Variants in CD27 observed in about 807,000 individuals in gnomAD.
CD27 encodes CD27 molecule.
Under a neutral mutation model 25.9 loss-of-function variants are expected in CD27, and 16 were observed. The ratio of observed to expected loss-of-function variants is 0.62; its 90% CI spans 0.42 to 0.94. CD27 has a LOEUF of 0.94. Among genes scored for constraint, CD27 ranks in the 40% least tolerant of loss-of-function variants. The pLI is 0.00. For missense variants in CD27, 300 were observed against 333.2 expected, an observed-to-expected ratio of 0.90 and a Z score of 0.78; for synonymous variants, 142 against 124.3, an observed-to-expected ratio of 1.14 and a Z score of -0.95.
chr12:6,447,825 T>A (rs1358872172), intron 2 of CD27: 1 of 147,378 alleles, frequency 6.8e-6, no homozygotes. Flanking sequence ...GATGTTCCCC[T>A]TCCTGTGTCC....
rs1274229933 is a variant in CD27, at chr12:6,450,836, G to A, written c.539-59G>A. 4.3e-5 allele frequency: 69 copies of A among 1,609,072 alleles called. No homozygotes were observed. In the East Asian group the frequency reaches 1.5e-3, roughly 36 times the overall value. ...AGAGGCAAGGTGACAGGAGGGCTGG[G>A]CTGAGGGAGCCAAGGGCTAGACCCT... On this transcript the variant is annotated intron_variant, in intron 4 of 5. Transcript: ENST00000266557. The surrounding 1 kb of genome is among the most constrained non-coding windows in gnomAD (Gnocchi z 4.1).
At chr12:6,448,711 G>A (rs1261344784) in intron 2 of CD27, 2 of 152,208 alleles carry the variant, frequency 1.3e-5, no homozygotes, top group Non-Finnish European at 2.9e-5. Flanking sequence ...GTTGCACTGA[G>A]CCGAGATCGT....
At chr12:6,446,776 T>TCA (rs35670100) in intron 2 of CD27, among the ~76,000 whole-genome samples, 31,888 of 148,272 alleles carry the variant, frequency 0.22, 3,537 homozygotes, top group African/African-American at 0.28. Flanking sequence ...AAACCCTTTT[T>TCA]CACACACACA....
At chr12:6,444,660 T>C (rs199839177), upstream of CD27, among the ~76,000 whole-genome samples, 1 of 27,710 alleles carries the variant, frequency 3.6e-5, no homozygotes, top group Non-Finnish European at 7.0e-5. Flanking sequence ...GACGGGGGGG[T>C]GGGTGGGGGG....
chr12:6,445,002 C>T lies in CD27; in HGVS notation c.-94C>T, dbSNP rs1387649702. 2.2e-6 allele frequency: 3 copies of T among 1,383,128 alleles called. No individual in the cohort carries two copies. In the African/African-American group the frequency reaches 4.4e-5, roughly 20 times the overall value. 85.7% of individuals were successfully genotyped at this position (1,383,128 alleles called of 1,614,324 possible). ...TGAAGCAGCCACTGCCCAGGGGGTGCAAAGAAGAGACAGCAGCGCCCAGCT... is the reference window on the plus strand; with the variant it reads ...TGAAGCAGCCACTGCCCAGGGGGTGTAAAGAAGAGACAGCAGCGCCCAGCT... On this transcript the variant is annotated 5_prime_UTR_variant, in exon 1 of 6. Coordinates refer to ENST00000266557, the MANE Select transcript of CD27 (RefSeq NM_001242.5). The surrounding 1 kb of genome is among the most constrained non-coding windows in gnomAD (Gnocchi z 4.5).
intron 5 of CD27, 71 bp downstream of exon 5, chr12:6,451,085 C>CG: frequency 1.2e-6 from 2 of 1,601,526 alleles, no homozygotes; most frequent in Non-Finnish European, 1.7e-6. Context: ...CCACTGCCCA[C>CG]GCCTGGAATC....
In CD27 at chr12:6,445,397, C is replaced by T. The variant is rs1353687524; in HGVS notation, c.137-27C>T. On this transcript the variant is annotated intron_variant, in intron 1 of 5. Transcript: ENST00000266557. The surrounding 1 kb of genome is among the most constrained non-coding windows in gnomAD (Gnocchi z 4.5). ...GGGCAGAGAACCAGCCCTTCTCAGG[C>T]CTTGATCCCTTACCCTCTCCTCCCA... 6.2e-7 allele frequency: 1 copy of T among 1,613,630 alleles called. No homozygotes were observed. Among genetic ancestry groups the T allele is most frequent in the African/African-American group, 1.3e-5 (1 of 74,926 alleles).
intron 5 of CD27, 66 bp from the exon 6 acceptor site, chr12:6,451,202 C>A: frequency 6.3e-7 from 1 of 1,589,766 alleles, no homozygotes; most frequent in Non-Finnish European, 8.6e-7. Context: ...CGCCTCTACC[C>A]ATCTCCTTCT....
At position 6,451,573 on chromosome 12, in the gene CD27, G is replaced by T. The variant is rs775726829; in HGVS notation, c.*181G>T. On this transcript the variant is annotated 3_prime_UTR_variant, in exon 6 of 6. Transcript: ENST00000266557. ...GGCAGGGACGAGGACAAATATGGATGAGGTGGAGAGTGGGAAGCAGGAGCC... is the reference window on the plus strand; with the variant it reads ...GGCAGGGACGAGGACAAATATGGATTAGGTGGAGAGTGGGAAGCAGGAGCC... The T allele has an allele frequency of 6.4e-6, 4 of 625,924 alleles. No homozygotes were observed. The South Asian group carries it at 1.0e-4, about 16-fold the overall frequency. 38.8% of individuals were successfully genotyped at this position (625,924 alleles called of 1,614,324 possible). A position where few individuals can be genotyped will look rare whatever the true frequency, so the allele number is the denominator to read the frequency against.
rs975522364 is a variant in CD27, at chr12:6,450,303, T to G, written c.399T>G (p.Ser133=). 2.5e-6 allele frequency: 4 copies of G among 1,613,482 alleles called. No individual in the cohort carries two copies. Among genetic ancestry groups the G allele is most frequent in the African/African-American group, 2.7e-5 (2 of 74,912 alleles). The change falls in exon 3 of 6, where the codon TCT becomes TCG. Residue 133 remains serine, a synonymous_variant. Coordinates refer to ENST00000266557, the MANE Select transcript of CD27 (RefSeq NM_001242.5). The surrounding 1 kb of genome is among the most constrained non-coding windows in gnomAD (Gnocchi z 4.1). ...LPNPSLTARS[S]QALSPHPQPT... The stretch of plus-strand genomic sequence containing the variant: ...ACCCTTCGCTGACCGCTCGGTCGTC[T>G]CAGGCCCTGAGCCCACACCCTCAGC...
rs757732791 is a variant in CD27 at position 6,450,192 on chromosome 12, C to T, written c.288C>T (p.Cys96=). 1 of 1,613,012 alleles carries T rather than the reference C, an allele frequency of 6.2e-7. No individual in the cohort carries two copies. The highest frequency in any genetic ancestry group is 8.5e-7 in the Non-Finnish European group (1 of 1,179,964). The change falls in exon 3 of 6, where the codon TGC becomes TGT. Residue 96 remains cysteine (C), a synonymous_variant. Coordinates refer to ENST00000266557, the MANE Select transcript of CD27 (RefSeq NM_001242.5). The surrounding 1 kb of genome is among the most constrained non-coding windows in gnomAD (Gnocchi z 4.1). The part of the protein sequence containing the change: ...HCNSGLLVRN[C]TITANAECAC... ...CCCCAGGTCTTCTCGTTCGCAACTGCACCATCACTGCCAATGCTGAGTGTG... is the reference window on the plus strand; with the variant it reads ...CCCCAGGTCTTCTCGTTCGCAACTGTACCATCACTGCCAATGCTGAGTGTG...
intron 2 of CD27, among the ~76,000 whole-genome samples, chr12:6,449,826 G>A (rs1024538779): frequency 3.3e-5 from 5 of 151,842 alleles, no homozygotes; most frequent in African/African-American, 1.2e-4. Context: ...CTCCAGCCTC[G>A]GCAACAAGAG....
At chr12:6,448,818 TA>T (rs1452791424) in intron 2 of CD27, 1 of 98,876 alleles carries the variant, frequency 1.0e-5, no homozygotes, top group Non-Finnish European at 3.0e-5. Flanking sequence ...AACTATTTAT[TA>T]TTTATTTATT....
intron 2 of CD27, chr12:6,448,226 C>T (rs1220782243): frequency 6.6e-6 from 1 of 152,268 alleles, no homozygotes; most frequent in East Asian, 1.9e-4. Context: ...GACATCCTCC[C>T]TTTCTGCACC....
rs1592117598 is a variant in CD27 at position 6,445,455 on chromosome 12, T to C, written c.168T>C (p.His56=). Residue 56 remains histidine (H), a synonymous_variant, in exon 2 of 6, where the codon CAT becomes CAC. Transcript: ENST00000266557. The surrounding 1 kb of genome is among the most constrained non-coding windows in gnomAD (Gnocchi z 4.5). ...GTFLVKDCDQ[H]RKAAQCDPCI... Reference sequence around the variant, plus strand: ...TCCTCGTGAAGGACTGTGACCAGCATAGAAAGGCTGCTCAGTGTGATCCTT... The same window carrying C: ...TCCTCGTGAAGGACTGTGACCAGCACAGAAAGGCTGCTCAGTGTGATCCTT... 4 of 1,614,144 alleles carry C rather than the reference T, an allele frequency of 2.5e-6. No individual in the cohort carries two copies. Among genetic ancestry groups the C allele is most frequent in the African/African-American group, 1.3e-5 (1 of 75,026 alleles).
chr12:6,450,099 G>A lies in CD27; in HGVS notation c.269-74G>A. ...AGGTGGGCCTGGGATGGGGGTTGGG[G>A]GATGAAGCAAGTGGACCTTGAAGGT... On this transcript the variant is annotated intron_variant, in intron 2 of 5. Transcript: ENST00000266557. This position sits in a 1 kb window ranked among gnomAD's most constrained non-coding sequence, Gnocchi z 4.1. 7.2e-7 allele frequency: 1 copy of A among 1,393,836 alleles called. No homozygotes were observed. The highest frequency in any genetic ancestry group is 1.3e-5 in the South Asian group (1 of 77,924). 86.3% of individuals were successfully genotyped at this position (1,393,836 alleles called of 1,614,324 possible).
At position 6,450,623 on chromosome 12, in the gene CD27, C is replaced by G. The variant is rs1949518083; in HGVS notation, c.531C>G (p.His177Gln). The change falls in exon 4 of 6, where the codon CAC (histidine) becomes CAG (glutamine). Residue 177 changes from histidine to glutamine, a missense_variant. Coordinates refer to ENST00000266557, the MANE Select transcript of CD27 (RefSeq NM_001242.5). The surrounding 1 kb of genome is among the most constrained non-coding windows in gnomAD (Gnocchi z 4.1). ...RQLPARTLSTHWPPQRSLCSS... is the reference protein window; with the variant it reads ...RQLPARTLSTQWPPQRSLCSS... Reference sequence around the variant, plus strand: ...TGCCTGCCCGGACTCTCTCTACCCACTGGCCACGTGAGTTTTCTCCTTAAT... The same window carrying G: ...TGCCTGCCCGGACTCTCTCTACCCAGTGGCCACGTGAGTTTTCTCCTTAAT... The G allele has an allele frequency of 1.2e-6, 2 of 1,612,158 alleles. No homozygotes were observed. Among genetic ancestry groups the G allele is most frequent in the African/African-American group, 1.3e-5 (1 of 75,062 alleles).
intron 2 of CD27, among the ~76,000 whole-genome samples, chr12:6,446,641 C>T (rs1389001573): frequency 1.3e-5 from 2 of 151,650 alleles, no homozygotes; most frequent in Admixed American, 6.6e-5. Flanking sequence ...ATTGGCTGGT[C>T]ATGGTAGTGC....
At chr12:6,444,626 C>CTGCGAA (rs1565507285), upstream of CD27, among the ~76,000 whole-genome samples, 1 of 131,356 alleles carries the variant, frequency 7.6e-6, no homozygotes, top group Non-Finnish European at 1.5e-5. Context: ...GACAGGAGTC[C>CTGCGAA]TGCGAATTCG....
Sources: allele counts gnomAD v4.1 joint callset (sites outside exome capture counted in the v4.1 genomes callset), GRCh38; gene constraint gnomAD v4.1.1; non-coding constraint Gnocchi (gnomAD v3.1); transcripts MANE v1.5; gene names NCBI Gene and HGNC (gene_info 2026-07-23, HGNC 2026-07-21).